Variants in PAK1 observed in about 807,000 individuals in gnomAD.
The protein encoded by PAK1 is p21 (RAC1) activated kinase 1, also known as serine/threonine-protein kinase PAK 1.
Under a neutral mutation model 67.4 loss-of-function variants are expected in PAK1, and 29 were observed. The observed-to-expected ratio is 0.43, with a 90% CI of 0.32 to 0.59. The LOEUF is 0.59. Ranked by LOEUF, PAK1 falls within the 20% of genes least tolerant of loss-of-function variation. The probability of loss-of-function intolerance (pLI) is 0.07; values close to 1 mark genes in which losing one functional copy is unlikely to be tolerated. For missense variants in PAK1, 337 were observed against 670.7 expected (o/e 0.50, Z 5.50); for synonymous variants, 223 against 237.4 (o/e 0.94, Z 0.56).
intron 2 of PAK1, among the ~76,000 whole-genome samples, chr11:77,384,338 C>T (rs554542333): frequency 6.6e-6 from 1 of 152,260 alleles, no homozygotes; most frequent in Admixed American, 6.5e-5. Context: ...CTGATGGTCC[C>T]ATATCCCAGG....
At chr11:77,484,797 A>G in the PAK1 span, among the ~76,000 whole-genome samples, 1 of 152,228 alleles carries the variant, frequency 6.6e-6, no homozygotes, top group Non-Finnish European at 1.5e-5. Context: ...TGGTTACTGT[A>G]TTAGTCTGTT....
chr11:77,361,055 C>T (rs1222099722), intron 5 of PAK1, among the ~76,000 whole-genome samples: 3 of 152,150 alleles, frequency 2.0e-5, no homozygotes, highest in African/African-American at 7.2e-5. Context: ...TGCCAGACTC[C>T]ATTCTAGGCT....
At chr11:77,425,213 C>T (rs1401985776) in intron 1 of PAK1, among the ~76,000 whole-genome samples, 1 of 151,622 alleles carries the variant, frequency 6.6e-6, no homozygotes, top group Non-Finnish European at 1.5e-5. Flanking sequence ...TTTTAATAGG[C>T]ATACACATCC....
In PAK1 at chr11:77,336,341, G is replaced by A; in HGVS notation, c.1217-59C>T. Reference sequence around the variant, plus strand: ...TTAGGATATACACTCACTTCAGTAAGTGTTGACTGTGTACCTACACATAGG... The same window carrying A: ...TTAGGATATACACTCACTTCAGTAAATGTTGACTGTGTACCTACACATAGG... On this transcript the variant is annotated intron_variant, in intron 12 of 14. Transcript: ENST00000356341. The A allele has an allele frequency of 3.8e-6, 5 of 1,300,932 alleles. 1 individual carries two copies. In the South Asian group the frequency reaches 5.3e-5, roughly 14 times the overall value. 80.6% of individuals were successfully genotyped at this position (1,300,932 alleles called of 1,614,324 possible). A position where few individuals can be genotyped will look rare whatever the true frequency, so the allele number is the denominator to read the frequency against.
chr11:77,459,674 A>T (rs995506039), intron 1 of PAK1, among the ~76,000 whole-genome samples: 1 of 146,738 alleles, frequency 6.8e-6, no homozygotes, highest in Non-Finnish European at 1.5e-5. Flanking sequence ...AGGAAAACAG[A>T]GGGGCTCTTC....
upstream of PAK1, among the ~76,000 whole-genome samples, chr11:77,477,567 C>A (rs368806635): frequency 8.1e-4 from 68 of 84,112 alleles, no homozygotes; most frequent in Non-Finnish European, 7.9e-4. Flanking sequence ...ACCATCTCTA[C>A]AAAAAAAAAA....
At chr11:77,381,827 T>C (rs1949875531) in intron 2 of PAK1, among the ~76,000 whole-genome samples, 1 of 152,210 alleles carries the variant, frequency 6.6e-6, no homozygotes, top group Admixed American at 6.5e-5. Context: ...GAGAACCATT[T>C]GCCTACATGC....
chr11:77,440,765 T>C (rs1160064000), intron 1 of PAK1, among the ~76,000 whole-genome samples: 2 of 152,244 alleles, frequency 1.3e-5, no homozygotes, highest in East Asian at 1.9e-4. Context: ...AATAACAATA[T>C]GCATTGAAGC....
the PAK1 span, among the ~76,000 whole-genome samples, chr11:77,482,021 C>T: frequency 5.3e-5 from 8 of 152,008 alleles, no homozygotes; most frequent in Admixed American, 5.2e-4. Context: ...TGGAGTCTCG[C>T]TCTGTTGCCC....
the PAK1 span, among the ~76,000 whole-genome samples, chr11:77,481,152 C>A: frequency 3.3e-5 from 5 of 152,142 alleles, no homozygotes; most frequent in African/African-American, 1.2e-4. Flanking sequence ...TTAACTACAT[C>A]ATTCCAGTGT....
At chr11:77,433,088 CGAA>C (rs1449071301) in intron 1 of PAK1, among the ~76,000 whole-genome samples, 1 of 152,018 alleles carries the variant, frequency 6.6e-6, no homozygotes, top group East Asian at 1.9e-4. Context: ...GACAATGCAA[CGAA>C]GAAAGAATAG....
intron 14 of PAK1, among the ~76,000 whole-genome samples, chr11:77,328,173 C>A (rs1044188181): frequency 2.0e-5 from 3 of 152,142 alleles, no homozygotes; most frequent in African/African-American, 7.2e-5. Context: ...TAGACTCCAA[C>A]ACAATAATAA....
intron 1 of PAK1, among the ~76,000 whole-genome samples, chr11:77,432,016 C>T (rs1405172494): frequency 6.6e-6 from 1 of 151,988 alleles, no homozygotes; most frequent in Non-Finnish European, 1.5e-5. Context: ...TTTTTTGTCT[C>T]CTCAATTAAC....
At chr11:77,512,306 T>C in the PAK1 span, among the ~76,000 whole-genome samples, 1 of 152,148 alleles carries the variant, frequency 6.6e-6, no homozygotes, top group Admixed American at 6.6e-5. Context: ...CATCTTCCTC[T>C]TCTGTGGTCC....
intron 1 of PAK1, among the ~76,000 whole-genome samples, chr11:77,423,475 C>A (rs1397895270): frequency 6.7e-6 from 1 of 150,174 alleles, no homozygotes; most frequent in East Asian, 1.9e-4. Flanking sequence ...CAGTGGAATA[C>A]AGGTAATAAA....
chr11:77,374,381 A>C lies in PAK1; in HGVS notation c.440-16T>G. The C allele has an allele frequency of 1.3e-6, 2 of 1,574,878 alleles. No homozygotes were observed. The highest frequency in any genetic ancestry group is 1.7e-6 in the Non-Finnish European group (2 of 1,144,960). On this transcript the variant is annotated splice_polypyrimidine_tract_variant and intron_variant, in intron 4 of 14. Transcript: ENST00000356341. ...GCTGACTTATCTGCACAGGAAGAAA[A>C]ACAAGGGACTTAGTCAATAACAGTT...
intron 1 of PAK1, among the ~76,000 whole-genome samples, chr11:77,465,720 T>C (rs1334667407): frequency 1.3e-5 from 2 of 152,004 alleles, no homozygotes; most frequent in Non-Finnish European, 2.9e-5. Context: ...TTCCAGCACG[T>C]TGGGAGGCTG....
chr11:77,369,444 C>CTTTTTTTTTT (rs147630042), intron 5 of PAK1, among the ~76,000 whole-genome samples: 6 of 86,736 alleles, frequency 6.9e-5, no homozygotes, highest in Admixed American at 1.6e-4. Context: ...TTATACATTT[C>CTTTTTTTTTT]TTTTTTTTTT....
chr11:77,365,646 A>G (rs1947453779), intron 5 of PAK1, among the ~76,000 whole-genome samples: 1 of 152,072 alleles, frequency 6.6e-6, no homozygotes, highest in Non-Finnish European at 1.5e-5. Context: ...CAGCCTGGCC[A>G]ATATGGTGAA....
Sources: allele counts gnomAD v4.1 joint callset (sites outside exome capture counted in the v4.1 genomes callset), GRCh38; gene constraint gnomAD v4.1.1; transcripts MANE v1.5; gene names NCBI Gene and HGNC (gene_info 2026-07-23, HGNC 2026-07-21).